FGF14: variants seen among roughly 807,000 people sequenced by gnomAD.
FGF14 encodes the protein fibroblast growth factor homologous factor 4.
Under a neutral mutation model 25.5 loss-of-function variants are expected in FGF14, and 5 were observed. That is an observed-to-expected ratio of 0.20 (90% CI 0.10 to 0.41). FGF14 has a LOEUF of 0.41. Ranked by LOEUF, FGF14 falls within the 10% of genes least tolerant of loss-of-function variation. The pLI is 1.00. For missense variants in FGF14, 222 were observed against 320.1 expected (o/e 0.69, Z 2.34); for synonymous variants, 138 against 118.3 (o/e 1.17, Z -1.08).
intron 1 of FGF14, among the ~76,000 whole-genome samples, chr13:101,960,885 C>G (rs1227282458): frequency 6.6e-6 from 1 of 152,174 alleles, no homozygotes; most frequent in Non-Finnish European, 1.5e-5. Flanking sequence ...AATCGTCATT[C>G]TGACTGGAGT....
intron 3 of FGF14, among the ~76,000 whole-genome samples, chr13:101,842,870 C>A (rs1056189159): frequency 6.6e-6 from 1 of 152,020 alleles, no homozygotes; most frequent in Non-Finnish European, 1.5e-5. Flanking sequence ...TATAATTTAT[C>A]CTCCAAGCTG....
At chr13:101,962,326 A>G (rs1468060189) in intron 1 of FGF14, among the ~76,000 whole-genome samples, 2 of 152,110 alleles carry the variant, frequency 1.3e-5, no homozygotes, top group African/African-American at 2.4e-5. Flanking sequence ...AGCAATTGTG[A>G]ATGGGAGTTC....
chr13:101,719,872 A>G lies in FGF14; in HGVS notation c.*2959T>C, dbSNP rs1458367730. ...ACAGCAAACTTAATTTCTGAGGGGAAAAAAATGGCGAAGTCTTATCCCAAA... is the reference window on the plus strand; with the variant it reads ...ACAGCAAACTTAATTTCTGAGGGGAGAAAAATGGCGAAGTCTTATCCCAAA... On this transcript the variant is annotated 3_prime_UTR_variant, in exon 5 of 5. Coordinates refer to ENST00000376143, the MANE Select transcript of FGF14 (RefSeq NM_004115.4). The G allele has an allele frequency of 6.6e-6, 1 of 152,066 alleles. No individual in the cohort carries two copies. Among genetic ancestry groups the G allele is most frequent in the Non-Finnish European group, 1.5e-5 (1 of 67,988 alleles). The allele number at this position is 152,066 out of a possible 1,614,324, so 9.4% of individuals were successfully genotyped here.
At chr13:102,388,527 T>C (rs1271081123) in intron 1 of FGF14, among the ~76,000 whole-genome samples, 1 of 152,190 alleles carries the variant, frequency 6.6e-6, no homozygotes, top group African/African-American at 2.4e-5. Context: ...ACACCTTCTG[T>C]TTCACGCATC....
At chr13:102,096,830 T>C (rs1322303854) in intron 1 of FGF14, among the ~76,000 whole-genome samples, 2 of 152,176 alleles carry the variant, frequency 1.3e-5, no homozygotes, top group Non-Finnish European at 2.9e-5. Context: ...CTGGGCCATA[T>C]ATAAGCTAGG....
chr13:102,207,858 T>C (rs139816212), intron 1 of FGF14, among the ~76,000 whole-genome samples: 173 of 152,264 alleles, frequency 1.1e-3, no homozygotes, highest in African/African-American at 4.1e-3. Flanking sequence ...TGATTTTTCT[T>C]ACCCAATGAT....
chr13:102,372,060 G>T lies in FGF14; in HGVS notation c.208+29411C>A, dbSNP rs535287120. On this transcript the variant is annotated intron_variant, in intron 1 of 4. Coordinates refer to the FGF14 transcript ENST00000376131. ...GGATCATCGTCTACTTTTCTTTATT[G>T]ATATTAATTTGTAACAATCATATTT... Among the ~76,000 whole-genome samples, 8 of 152,160 alleles carry T rather than the reference G, an allele frequency of 5.3e-5. No homozygotes were observed. The South Asian group carries it at 1.7e-3, about 32-fold the overall frequency.
At chr13:101,755,391 C>A (rs780931916) in intron 3 of FGF14, among the ~76,000 whole-genome samples, 18 of 113,040 alleles carry the variant, frequency 1.6e-4, no homozygotes, top group Non-Finnish European at 2.7e-4. Context: ...GTAATCCCAG[C>A]ACTTTGGGAG....
At chr13:101,945,210 T>C (rs4267176) in intron 1 of FGF14, among the ~76,000 whole-genome samples, 37,861 of 151,882 alleles carry the variant, frequency 0.25, 7,929 homozygotes, top group African/African-American at 0.57. Context: ...CCCAGCTACT[T>C]GGGAGGCTGA....
intron 1 of FGF14, among the ~76,000 whole-genome samples, chr13:102,025,872 A>ATTTATTAGT (rs1302955037): frequency 1.3e-5 from 2 of 151,954 alleles, no homozygotes; most frequent in Admixed American, 1.3e-4. Flanking sequence ...TGTCAAATTC[A>ATTTATTAGT]TTTATTAGTT....
chr13:102,249,213 G>A (rs957414305), intron 1 of FGF14, among the ~76,000 whole-genome samples: 5 of 152,168 alleles, frequency 3.3e-5, no homozygotes, highest in African/African-American at 1.2e-4. Context: ...AGGAGTGGGA[G>A]TTTATCCCTG....
intron 3 of FGF14, among the ~76,000 whole-genome samples, chr13:101,780,265 T>G (rs963562251): frequency 2.6e-5 from 4 of 152,224 alleles, no homozygotes; most frequent in Admixed American, 2.0e-4. Flanking sequence ...ACAAACTGTG[T>G]GGAGTTAGAA....
intron 1 of FGF14, among the ~76,000 whole-genome samples, chr13:102,000,758 C>T (rs1480648039): frequency 2.0e-5 from 3 of 152,164 alleles, no homozygotes; most frequent in African/African-American, 4.8e-5. Context: ...GTGATCTCAG[C>T]TCACCTGCTC....
rs540650333 is a variant in FGF14, at chr13:102,291,327, A to G, written c.208+110144T>C. Among the ~76,000 whole-genome samples the G allele has an allele frequency of 9.5e-4, 145 of 152,246 alleles. 1 individual carries two copies. Among genetic ancestry groups the G allele is most frequent in the South Asian group, 5.6e-3 (27 of 4,826 alleles). ...AAATATTACTCTGGTAATTTTATATATGGGGTTTGGTCCTACCTTCAGATT... is the reference window on the plus strand; with the variant it reads ...AAATATTACTCTGGTAATTTTATATGTGGGGTTTGGTCCTACCTTCAGATT... On this transcript the variant is annotated intron_variant, in intron 1 of 4. Transcript: ENST00000376131.
chr13:102,336,270 T>C (rs182434323), intron 1 of FGF14, among the ~76,000 whole-genome samples: 104 of 152,258 alleles, frequency 6.8e-4, no homozygotes, highest in Middle Eastern at 3.4e-3. Context: ...AACACATGAA[T>C]GATAAGAAAG....
At chr13:102,159,673 C>T (rs2047532818) in intron 1 of FGF14, among the ~76,000 whole-genome samples, 1 of 152,098 alleles carries the variant, frequency 6.6e-6, no homozygotes, top group African/African-American at 2.4e-5. Context: ...TTTTGTATGC[C>T]AAGCATCCTG....
chr13:101,847,189 T>G (rs2984842), intron 3 of FGF14, among the ~76,000 whole-genome samples: 92,099 of 151,782 alleles, frequency 0.61, 28,500 homozygotes, highest in East Asian at 0.75. Flanking sequence ...TCATCTGGGT[T>G]GAGAAAGTTA....
intron 1 of FGF14, among the ~76,000 whole-genome samples, chr13:102,323,557 T>C (rs926788618): frequency 2.0e-5 from 3 of 152,190 alleles, no homozygotes; most frequent in South Asian, 2.1e-4. Flanking sequence ...TGAAATCATA[T>C]CATTTGTGTA....
intron 1 of FGF14, among the ~76,000 whole-genome samples, chr13:101,964,700 G>A (rs7997423): frequency 0.17 from 25,607 of 152,102 alleles, 2,537 homozygotes; most frequent in Admixed American, 0.3. Flanking sequence ...CTCTGCTATA[G>A]TTCTCCTTCT....
Sources: allele counts gnomAD v4.1 joint callset (sites outside exome capture counted in the v4.1 genomes callset), GRCh38; gene constraint gnomAD v4.1.1; transcripts MANE v1.5; gene names NCBI Gene and HGNC (gene_info 2026-07-23, HGNC 2026-07-21).